Variants in LSAMP observed in about 807,000 individuals in gnomAD.
LSAMP encodes the protein limbic system-associated membrane protein.
Under a neutral mutation model 38.6 loss-of-function variants are expected in LSAMP, and 7 were observed. The observed-to-expected ratio is 0.18, with a 90% confidence interval of 0.10 to 0.34. LSAMP has a LOEUF of 0.34. LSAMP is among the 10% of genes least tolerant of loss of function. LSAMP has a pLI of 1.00. For synonymous variants in LSAMP, 154 were observed against 166.8 expected (o/e 0.92, Z 0.59); for missense variants, 313 against 420.0 (o/e 0.75, Z 2.23).
chr3:116,366,821 T>A (rs1250484098), intron 1 of LSAMP, among the ~76,000 whole-genome samples: 1 of 152,114 alleles, frequency 6.6e-6, no homozygotes, highest in Non-Finnish European at 1.5e-5. Flanking sequence ...GGCTATTGAT[T>A]TGGACATTTA....
In LSAMP at chr3:115,946,821, A is replaced by G. The variant is rs1044235060; in HGVS notation, c.514+72694T>C. Among the ~76,000 whole-genome samples the G allele has an allele frequency of 2.0e-5, 3 of 152,260 alleles. No individual in the cohort carries two copies. In the South Asian group the frequency reaches 6.2e-4, roughly 32 times the overall value. The stretch of plus-strand genomic sequence containing the variant: ...TCAATAAGAAAGCCTGACCAAAAAT[A>G]TACGAATAAAATAAAGAGTAAAATA... On this transcript the variant is annotated intron_variant, in intron 3 of 6. Transcript: ENST00000490035.
intron 2 of LSAMP, among the ~76,000 whole-genome samples, chr3:116,019,991 A>G (rs1940593505): frequency 6.6e-6 from 1 of 152,130 alleles, no homozygotes; most frequent in South Asian, 2.1e-4. Context: ...TTGTTATTTA[A>G]ATTTATTTTC....
At chr3:115,930,002 G>GTTATTTTTT (rs1937554802) in intron 3 of LSAMP, among the ~76,000 whole-genome samples, 2 of 80,292 alleles carry the variant, frequency 2.5e-5, no homozygotes, top group East Asian at 4.5e-4. Context: ...TTTAGCAGAA[G>GTTATTTTTT]TTTTTTTTTT....
At chr3:116,423,276 G>T (rs2049153879) in intron 1 of LSAMP, among the ~76,000 whole-genome samples, 1 of 152,132 alleles carries the variant, frequency 6.6e-6, no homozygotes, top group African/African-American at 2.4e-5. Context: ...CAAGAAAGTG[G>T]AATTCCTTCC....
At chr3:116,411,130 G>T (rs1385120644) in intron 1 of LSAMP, among the ~76,000 whole-genome samples, 1 of 152,030 alleles carries the variant, frequency 6.6e-6, no homozygotes, top group Non-Finnish European at 1.5e-5. Flanking sequence ...GAAACAACAG[G>T]TGCTGGAGAG....
At chr3:116,108,852 C>T (rs1182653747) in intron 1 of LSAMP, among the ~76,000 whole-genome samples, 1 of 152,144 alleles carries the variant, frequency 6.6e-6, no homozygotes, top group African/African-American at 2.4e-5. Flanking sequence ...TTCTTGTGTG[C>T]TGGAGATGTG....
At chr3:116,249,619 C>A (rs1026890100) in intron 1 of LSAMP, among the ~76,000 whole-genome samples, 1 of 151,666 alleles carries the variant, frequency 6.6e-6, no homozygotes, top group African/African-American at 2.4e-5. Flanking sequence ...CTCCTGACCT[C>A]GTGATCCGCC....
chr3:115,970,831 C>T (rs868144024), intron 3 of LSAMP, among the ~76,000 whole-genome samples: 12 of 152,228 alleles, frequency 7.9e-5, no homozygotes, highest in African/African-American at 1.4e-4. Flanking sequence ...GCAGGTGGAG[C>T]GCACGAGAGA....
intron 1 of LSAMP, among the ~76,000 whole-genome samples, chr3:116,339,852 C>T (rs2047969555): frequency 6.6e-6 from 1 of 152,010 alleles, no homozygotes; most frequent in African/African-American, 2.4e-5. Context: ...CCAGATATTA[C>T]CAGTTACCAA....
chr3:115,925,728 T>C (rs989648653), intron 3 of LSAMP, among the ~76,000 whole-genome samples: 8 of 152,178 alleles, frequency 5.3e-5, no homozygotes, highest in South Asian at 4.1e-4. Flanking sequence ...TTTTTAATTC[T>C]AAAAGTGGAA....
At chr3:116,100,271 G>A (rs931783423) in intron 1 of LSAMP, among the ~76,000 whole-genome samples, 3 of 151,804 alleles carry the variant, frequency 2.0e-5, no homozygotes, top group Non-Finnish European at 2.9e-5. Context: ...TAGGAGACAC[G>A]GTTTCAACAT....
chr3:116,198,698 G>C (rs1425426955), intron 1 of LSAMP, among the ~76,000 whole-genome samples: 1 of 149,170 alleles, frequency 6.7e-6, no homozygotes, highest in Admixed American at 6.9e-5. Flanking sequence ...GTGAACTCGG[G>C]AGGCGCAGCT....
intron 1 of LSAMP, among the ~76,000 whole-genome samples, chr3:116,341,417 T>A (rs2047993737): frequency 6.6e-6 from 1 of 152,036 alleles, no homozygotes; most frequent in African/African-American, 2.4e-5. Context: ...AATAGCTTAT[T>A]AATGAACTTT....
intron 1 of LSAMP, among the ~76,000 whole-genome samples, chr3:116,241,835 C>T (rs1037705282): frequency 6.6e-6 from 1 of 152,206 alleles, no homozygotes; most frequent in African/African-American, 2.4e-5. Context: ...TTCCTCACCA[C>T]TATCACTGTT....
intron 3 of LSAMP, among the ~76,000 whole-genome samples, chr3:115,993,399 G>T (rs937232413): frequency 2.0e-5 from 3 of 152,074 alleles, no homozygotes; most frequent in African/African-American, 7.2e-5. Context: ...CTAGGAGAAA[G>T]AATTTAGTAT....
chr3:115,811,920 C>T (rs1259984543), intron 6 of LSAMP, among the ~76,000 whole-genome samples: 1 of 152,188 alleles, frequency 6.6e-6, no homozygotes, highest in Admixed American at 6.5e-5. Flanking sequence ...TACAAGTTTA[C>T]ACAGCTTGTA....
chr3:116,106,919 C>T (rs1708481187), intron 1 of LSAMP, among the ~76,000 whole-genome samples: 1 of 152,100 alleles, frequency 6.6e-6, no homozygotes, highest in Non-Finnish European at 1.5e-5. Context: ...AGTAGAATAG[C>T]AGATAGAACA....
chr3:115,882,509 G>T (rs190780442), intron 3 of LSAMP, among the ~76,000 whole-genome samples: 8 of 151,954 alleles, frequency 5.3e-5, no homozygotes, highest in South Asian at 2.1e-4. Context: ...ATACATTTTT[G>T]ATATACCTTA....
At chr3:116,273,683 C>CAT (rs1553719897) in intron 1 of LSAMP, among the ~76,000 whole-genome samples, 16 of 50,528 alleles carry the variant, frequency 3.2e-4, no homozygotes, top group African/African-American at 1.9e-3. Flanking sequence ...GAGAAAGAGG[C>CAT]ATATATATAT....
Sources: gnomAD v4.1 joint callset for allele counts (sites outside exome capture counted in the v4.1 genomes callset) on GRCh38, gnomAD v4.1.1 for gene constraint, MANE v1.5 for transcripts, NCBI Gene and HGNC (gene_info 2026-07-23, HGNC 2026-07-21) for gene names.